The following EP400 variants were observed in gnomAD, a reference collection of about 807,000 sequenced individuals.
EP400 encodes E1A binding protein p400.
EP400 carries 105 observed loss-of-function variants against 354.1 expected under a neutral mutation model. That is an observed-to-expected ratio of 0.30 (90% CI 0.25 to 0.35). The LOEUF (loss-of-function observed/expected upper bound fraction) is 0.35, where lower values mean the gene tolerates loss of function less well. Among genes scored for constraint, EP400 ranks in the 10% least tolerant of loss-of-function variants. EP400 has a pLI of 1.00. For synonymous variants in EP400, 1,646 were observed against 1,716.9 expected (o/e 0.96, Z 1.02); for missense variants, 3,280 against 4,121.0 (o/e 0.80, Z 5.59).
chr12:131,967,815 AT>A (rs1199602570), intron 2 of EP400, among the ~76,000 whole-genome samples: 5 of 151,854 alleles, frequency 3.3e-5, no homozygotes, highest in Non-Finnish European at 7.4e-5. Flanking sequence ...AGTACTTGTT[AT>A]TGTCAGTTTT....
chr12:131,979,642 C>T (rs1892611312), intron 2 of EP400, 52 bp from the exon 3 acceptor site: 5 of 1,504,264 alleles, frequency 3.3e-6, no homozygotes, highest in East Asian at 2.3e-5. Context: ...TGAGTTTATT[C>T]TTGTAATGGC....
chr12:131,963,732 G>A, intron 2 of EP400: 1 of 993,550 alleles, frequency 1.0e-6, no homozygotes, highest in Non-Finnish European at 1.4e-6. Flanking sequence ...TTGCTCTTCA[G>A]CATTTTTTTT....
chr12:131,988,522 G>A (rs1003011443), intron 7 of EP400, among the ~76,000 whole-genome samples: 35 of 152,300 alleles, frequency 2.3e-4, no homozygotes, highest in Non-Finnish European at 4.3e-4. Context: ...CTGGCCACAC[G>A]GCCTCCTGCC....
intron 7 of EP400, among the ~76,000 whole-genome samples, chr12:131,989,503 G>C (rs947880493): frequency 3.3e-5 from 5 of 152,238 alleles, no homozygotes; most frequent in African/African-American, 1.2e-4. Context: ...TTGAGGTTCT[G>C]TTGGTGGGTA....
chr12:132,035,395 A>C (rs1894659881), intron 30 of EP400, among the ~76,000 whole-genome samples: 1 of 152,222 alleles, frequency 6.6e-6, no homozygotes, highest in Non-Finnish European at 1.5e-5. Flanking sequence ...AAATGAGCTC[A>C]TGTCGAGGGA....
At chr12:131,952,740 C>T (rs1312838699) in intron 1 of EP400, among the ~76,000 whole-genome samples, 2 of 152,216 alleles carry the variant, frequency 1.3e-5, no homozygotes, top group African/African-American at 4.8e-5. Flanking sequence ...GTTTGAGACA[C>T]TGTTCCCAGC....
At position 132,032,003 on chromosome 12, in the gene EP400, C is replaced by T; in HGVS notation, c.5805C>T (p.Leu1935=). Residue 1935 remains leucine (L), a synonymous_variant, in exon 30 of 53, where the codon CTC becomes CTT. Transcript: ENST00000389561. ...ACAGGCGGATTTTTTGTGCCATTCT[C>T]TCCACTCACAGCCGTACCACAGGTA... ...NRDRRIFCAI[L]STHSRTTGIN... The T allele has an allele frequency of 1.2e-6, 2 of 1,613,872 alleles. No homozygotes were observed. The highest frequency in any genetic ancestry group is 2.2e-5 in the South Asian group (2 of 91,058).
At chr12:132,015,821 C>T (rs1191473302) in intron 19 of EP400, among the ~76,000 whole-genome samples, 3 of 152,162 alleles carry the variant, frequency 2.0e-5, no homozygotes, top group African/African-American at 4.8e-5. Flanking sequence ...AGTGTTTGGG[C>T]GCTGTCTGGT....
chr12:132,002,253 C>T (rs954891848), intron 12 of EP400, among the ~76,000 whole-genome samples: 5 of 152,076 alleles, frequency 3.3e-5, no homozygotes, highest in African/African-American at 1.2e-4. Flanking sequence ...AATAATTGGG[C>T]CTAGATCTAT....
At chr12:132,045,194 G>A (rs970386407) in intron 37 of EP400, 125 bp from the exon 38 acceptor site, 1 of 1,464,004 alleles carries the variant, frequency 6.8e-7, no homozygotes, top group African/African-American at 1.4e-5. Context: ...GTCTTTGGCA[G>A]GTGCTTTCTG....
rs180956501 is a variant in EP400, at chr12:131,950,853, T to G, written c.-36+817T>G. 2.6e-3 allele frequency among the ~76,000 whole-genome samples: 401 copies of G among 152,278 alleles called. 4 individuals carry two copies. The highest frequency in any genetic ancestry group is 9.3e-3 in the African/African-American group (385 of 41,572). On this transcript the variant is annotated intron_variant, in intron 1 of 52. Coordinates refer to ENST00000389561, the MANE Select transcript of EP400 (RefSeq NM_015409.5). The stretch of plus-strand genomic sequence containing the variant: ...ACTAGAGCCTCGACCTCCCGAGTGG[T>G]TGGGACCAAAGGCTTGGGCCACCAT...
intron 51 of EP400, among the ~76,000 whole-genome samples, chr12:132,071,736 T>C (rs886893716): frequency 2.0e-5 from 3 of 152,186 alleles, no homozygotes; most frequent in Non-Finnish European, 4.4e-5. Context: ...GCTCCTGGCC[T>C]GTGCACCCCT....
At position 132,013,891 on chromosome 12, in the gene EP400, G is replaced by C; in HGVS notation, c.3901G>C (p.Glu1301Gln). ...RLSNRQKALY[E>Q]DVILQPGTQE... is the part of the protein sequence containing the mutation. ...TTCTAACCGACAAAAAGCCTTATACGAGGACGTTATCCTGCAACCTGGGTG... is the reference window on the plus strand; with the variant it reads ...TTCTAACCGACAAAAAGCCTTATACCAGGACGTTATCCTGCAACCTGGGTG... Residue 1301 changes from glutamate to glutamine, a missense_variant, in exon 19 of 53, where the codon GAG (glutamate) becomes CAG (glutamine). Physicochemically the swap from Glu to Gln is conservative, Grantham distance 29. Coordinates refer to ENST00000389561, the MANE Select transcript of EP400 (RefSeq NM_015409.5). The surrounding 1 kb of genome is among the most constrained non-coding windows in gnomAD (Gnocchi z 4.5). The C allele has an allele frequency of 6.2e-7, 1 of 1,614,218 alleles. No homozygotes were observed. The highest frequency in any genetic ancestry group is 8.5e-7 in the Non-Finnish European group (1 of 1,180,046).
At chr12:132,007,014 G>T in intron 15 of EP400, 137 bp downstream of exon 15, 1 of 884,074 alleles carries the variant, frequency 1.1e-6, no homozygotes, top group Non-Finnish European at 1.7e-6. Flanking sequence ...GCAAATTGAG[G>T]CTCAGAAGTA....
chr12:131,982,394 C>T lies in EP400; in HGVS notation c.1845C>T (p.Pro615=), dbSNP rs1300872864. ...CCAGCAGCCAACTCCCCATCCCTCCCTCGCAGCCTGCACAGCTGGCCCTCC... is the reference window on the plus strand; with the variant it reads ...CCAGCAGCCAACTCCCCATCCCTCCTTCGCAGCCTGCACAGCTGGCCCTCC... ...APPSSQLPIP[P]SQPAQLALHV... Residue 615 remains proline (P), a synonymous_variant, in exon 5 of 53, where the codon CCC becomes CCT. Coordinates refer to ENST00000389561, the MANE Select transcript of EP400 (RefSeq NM_015409.5). 6.2e-7 allele frequency: 1 copy of T among 1,614,194 alleles called. No homozygotes were observed. Among genetic ancestry groups the T allele is most frequent in the East Asian group, 2.2e-5 (1 of 44,866 alleles).
chr12:132,060,199 G>A (rs1376211660), intron 45 of EP400, among the ~76,000 whole-genome samples: 2 of 152,074 alleles, frequency 1.3e-5, no homozygotes, highest in Non-Finnish European at 2.9e-5. Flanking sequence ...ACACAATTGA[G>A]GAGAAAATGA....
rs1375582955 is a variant in EP400, at chr12:132,005,158, A to G, written c.2909A>G (p.Asp970Gly). The G allele has an allele frequency of 3.2e-6, 5 of 1,581,730 alleles. No individual in the cohort carries two copies. The highest frequency in any genetic ancestry group is 4.3e-6 in the Non-Finnish European group (5 of 1,163,730). The stretch of plus-strand genomic sequence containing the variant: ...TCTCAGTGGCCCCGGCCGAAGCCTG[A>G]TGGGGAGGACACAAGCGGAGAGGAA... The part of the protein sequence containing the change: ...PSSQWPRPKP[D>G]GEDTSGEEDA... Residue 970 changes from aspartate (D) to glycine (G), a missense_variant, in exon 13 of 53, where the codon GAT becomes GGT. Coordinates refer to ENST00000389561, the MANE Select transcript of EP400 (RefSeq NM_015409.5).
intron 50 of EP400, 150 bp from the exon 51 acceptor site, chr12:132,069,345 G>C: frequency 9.1e-7 from 1 of 1,100,210 alleles, no homozygotes; most frequent in Non-Finnish European, 1.3e-6. Context: ...ATGGGACAGG[G>C]GGCAGGAGAT....
Position 132,020,165 on chromosome 12 carries a change from C to A in EP400, c.4394C>A (p.Pro1465Gln). The A allele has an allele frequency of 1.2e-6, 2 of 1,611,048 alleles. No homozygotes were observed. Among genetic ancestry groups the A allele is most frequent in the Non-Finnish European group, 1.7e-6 (2 of 1,178,862 alleles). The change falls in exon 22 of 53, where the codon CCG becomes CAG. Residue 1465 changes from proline (P) to glutamine (Q), a missense_variant. By Grantham distance (76) the Pro-to-Gln change is moderately conservative. Coordinates refer to ENST00000389561, the MANE Select transcript of EP400 (RefSeq NM_015409.5). ...ACGGCCTCTGCTGCTCCACAGGGCC[C>A]GCTTCGAGGACGGCCGCCCATCGCC... ...PTTASAAPQG[P>Q]LRGRPPIATF...
Sources: allele counts gnomAD v4.1 joint callset (sites outside exome capture counted in the v4.1 genomes callset), GRCh38; gene constraint gnomAD v4.1.1; non-coding constraint Gnocchi (gnomAD v3.1); transcripts MANE v1.5; gene names NCBI Gene and HGNC (gene_info 2026-07-23, HGNC 2026-07-21).